NR2C2: variants seen among roughly 807,000 people sequenced by gnomAD.
NR2C2 encodes Nuclear hormone receptor TR4.
Under a neutral mutation model 62.9 loss-of-function variants are expected in NR2C2, and 6 were observed. The ratio of observed to expected loss-of-function variants is 0.10; its 90% confidence interval spans 0.05 to 0.19. The LOEUF (loss-of-function observed/expected upper bound fraction) is 0.19. Ranked by LOEUF, NR2C2 falls within the 10% of genes least tolerant of loss-of-function variation. NR2C2 has a pLI of 1.00. For missense variants in NR2C2, 479 were observed against 762.7 expected (o/e 0.63, Z 4.38); for synonymous variants, 272 against 273.8 (o/e 0.99, Z 0.07).
chr3:14,961,012 A>C (rs1387053900), intron 1 of NR2C2, among the ~76,000 whole-genome samples: 1 of 152,240 alleles, frequency 6.6e-6, no homozygotes, highest in Non-Finnish European at 1.5e-5. Flanking sequence ...TTAAAACAAT[A>C]AACTTATCTC....
chr3:14,947,983 C>T (rs933286639), intron 1 of NR2C2, 77 bp downstream of exon 1: 88 of 151,150 alleles, frequency 5.8e-4, no homozygotes, highest in Non-Finnish European at 1.2e-3. Flanking sequence ...ATGGAGGCGC[C>T]GCGGCGGCGG....
At chr3:14,993,412 TCA>T (rs2124853543) in intron 1 of NR2C2, among the ~76,000 whole-genome samples, 1 of 149,776 alleles carries the variant, frequency 6.7e-6, no homozygotes, top group East Asian at 2.0e-4. Flanking sequence ...CGAAGCTGCA[TCA>T]CTGCACTCCA....
chr3:14,997,011 T>A (rs1007554283), intron 1 of NR2C2, among the ~76,000 whole-genome samples: 1 of 152,240 alleles, frequency 6.6e-6, no homozygotes, highest in Non-Finnish European at 1.5e-5. Flanking sequence ...TGGCCTGTTA[T>A]TCTGCCAGTG....
At chr3:15,020,164 T>C (rs944058487) in intron 4 of NR2C2, among the ~76,000 whole-genome samples, 1 of 151,276 alleles carries the variant, frequency 6.6e-6, no homozygotes, top group Non-Finnish European at 1.5e-5. Flanking sequence ...TGGAACCATA[T>C]GGTAATCCTC....
Position 15,046,634 on chromosome 3 carries a change from C to T in NR2C2, c.*3626C>T, listed in dbSNP as rs994066329. On this transcript the variant is annotated 3_prime_UTR_variant, in exon 14 of 14. Coordinates refer to ENST00000425241, the MANE Select transcript of NR2C2 (RefSeq NM_001291694.2). Reference sequence around the variant, plus strand: ...ACCTGATCTCATTGGAGTCCAGAAGCTTGTTGCCCACTTTCCAGTGTAAAT... The same window carrying T: ...ACCTGATCTCATTGGAGTCCAGAAGTTTGTTGCCCACTTTCCAGTGTAAAT... The T allele has an allele frequency of 5.3e-5, 8 of 152,288 alleles. No homozygotes were observed. The highest frequency in any genetic ancestry group is 1.9e-4 in the African/African-American group (8 of 41,474). The allele number at this position is 152,288 out of a possible 1,614,324, so 9.4% of individuals were successfully genotyped here.
At chr3:15,015,189 A>G (rs2041474543) in intron 3 of NR2C2, among the ~76,000 whole-genome samples, 1 of 152,236 alleles carries the variant, frequency 6.6e-6, no homozygotes, top group Non-Finnish European at 1.5e-5. Context: ...ATGTTTCACA[A>G]GAGGTGATTC....
At chr3:15,025,527 G>A (rs1431741187) in intron 7 of NR2C2, 1 of 152,156 alleles carries the variant, frequency 6.6e-6, no homozygotes, top group South Asian at 2.1e-4. Flanking sequence ...GTGTACAATG[G>A]AAACAACAAT....
intron 2 of NR2C2, among the ~76,000 whole-genome samples, chr3:15,010,458 C>A (rs1405139085): frequency 6.6e-6 from 1 of 151,946 alleles, no homozygotes; most frequent in East Asian, 1.9e-4. Flanking sequence ...TTGGTTCTCA[C>A]CTGTAAACTC....
intron 3 of NR2C2, among the ~76,000 whole-genome samples, chr3:15,014,254 A>C (rs1008906368): frequency 9.9e-5 from 15 of 152,022 alleles, no homozygotes; most frequent in Non-Finnish European, 2.2e-4. Context: ...TCTTGTCTCT[A>C]TCTCTGCCCT....
intron 7 of NR2C2, 42 bp from the exon 8 acceptor site, chr3:15,028,544 T>A (rs577231097): frequency 6.3e-7 from 1 of 1,592,744 alleles, no homozygotes. Flanking sequence ...GTCATTTGCG[T>A]ATCTGTGTTC....
At chr3:15,032,332 C>T (rs147545584) in intron 9 of NR2C2, 47 bp from the exon 10 acceptor site, 132 of 1,613,516 alleles carry the variant, frequency 8.2e-5, no homozygotes, top group Non-Finnish European at 1.0e-4. Context: ...CAAAGCCATC[C>T]CCTGTCCTTC....
intron 4 of NR2C2, among the ~76,000 whole-genome samples, chr3:15,017,783 T>G (rs1252675295): frequency 6.6e-6 from 1 of 152,158 alleles, no homozygotes; most frequent in African/African-American, 2.4e-5. Context: ...ACTTGGGAAA[T>G]GGTTTTGCAT....
intron 1 of NR2C2, among the ~76,000 whole-genome samples, chr3:14,950,636 T>C (rs2039327317): frequency 6.6e-6 from 1 of 152,130 alleles, no homozygotes; most frequent in Admixed American, 6.5e-5. Flanking sequence ...TTCTTTTCTT[T>C]ATAATCTTTA....
At chr3:15,038,535 CTG>C (rs1463744696) in intron 12 of NR2C2, 3 of 168,322 alleles carry the variant, frequency 1.8e-5, no homozygotes, top group African/African-American at 7.2e-5. Flanking sequence ...TGCCCACAGA[CTG>C]TGTATAGCAC....
At chr3:14,961,062 A>G (rs543592054) in intron 1 of NR2C2, among the ~76,000 whole-genome samples, 2 of 152,382 alleles carry the variant, frequency 1.3e-5, no homozygotes, top group African/African-American at 4.8e-5. Context: ...AAAATGAGTA[A>G]CTGATACTGG....
intron 1 of NR2C2, among the ~76,000 whole-genome samples, chr3:14,963,192 G>T (rs1183413762): frequency 6.6e-6 from 1 of 152,150 alleles, no homozygotes; most frequent in Non-Finnish European, 1.5e-5. Flanking sequence ...TGAAATGCAT[G>T]GTAAAGCTAA....
chr3:15,039,101 G>C (rs367641133), intron 12 of NR2C2, 21 bp from the exon 13 acceptor site: 34 of 1,571,700 alleles, frequency 2.2e-5, no homozygotes, highest in East Asian at 9.0e-5. Flanking sequence ...GAACTGGGGG[G>C]GGGTACTTTT....
chr3:15,018,954 G>T (rs1369892000), intron 4 of NR2C2, among the ~76,000 whole-genome samples: 1 of 144,410 alleles, frequency 6.9e-6, no homozygotes, highest in Admixed American at 7.2e-5. Flanking sequence ...GGCAGAGGTT[G>T]CAGTAAGCCA....
Position 15,016,394 on chromosome 3 carries a change from T to C in NR2C2, c.376+140T>C, listed in dbSNP as rs1042494763. On this transcript the variant is annotated intron_variant, in intron 4 of 13. Coordinates refer to ENST00000425241, the MANE Select transcript of NR2C2 (RefSeq NM_001291694.2). Reference sequence around the variant, plus strand: ...TCACATGTGAATTCTACTTTTCTTATTGGGGTAATGATGTAAATAAGTAAG... The same window carrying C: ...TCACATGTGAATTCTACTTTTCTTACTGGGGTAATGATGTAAATAAGTAAG... 58 of 609,216 alleles carry C rather than the reference T, an allele frequency of 9.5e-5. 1 individual carries two copies. The highest frequency in any genetic ancestry group is 5.2e-4 in the Middle Eastern group (2 of 3,844). 37.7% of individuals were successfully genotyped at this position (609,216 alleles called of 1,614,324 possible). A position where few individuals can be genotyped will look rare whatever the true frequency, so the allele number is the denominator to read the frequency against.
Sources: allele counts gnomAD v4.1 joint callset (sites outside exome capture counted in the v4.1 genomes callset), GRCh38; gene constraint gnomAD v4.1.1; transcripts MANE v1.5; gene names NCBI Gene and HGNC (gene_info 2026-07-23, HGNC 2026-07-21).